DNAJB6: variants seen among roughly 807,000 people sequenced by gnomAD.
DNAJB6 encodes DnaJ heat shock protein family (Hsp40) member B6.
In DNAJB6, 16 loss-of-function variants were observed where a neutral mutation model predicts 42.7. The ratio of observed to expected loss-of-function variants is 0.37; its 90% CI spans 0.25 to 0.57. The LOEUF (loss-of-function observed/expected upper bound fraction) is 0.57. Ranked by LOEUF, DNAJB6 falls within the 20% of genes least tolerant of loss-of-function variation. DNAJB6 has a pLI of 0.74. For synonymous variants in DNAJB6, 170 were observed against 163.5 expected (o/e 1.04, Z -0.30); for missense variants, 347 against 416.8 (o/e 0.83, Z 1.46).
In DNAJB6 at chr7:157,361,320, A is replaced by G. The variant is rs1296280613; in HGVS notation, c.66-1841A>G. The stretch of plus-strand genomic sequence containing the variant: ...ACTGCAGGCGCCTGCCATGATGCCC[A>G]GCTAATTTTTATATTTTTAATAGAG... On this transcript the variant is annotated intron_variant, in intron 2 of 9. Coordinates refer to ENST00000262177, the MANE Select transcript of DNAJB6 (RefSeq NM_058246.4). Among the ~76,000 whole-genome samples the G allele has an allele frequency of 9.2e-5, 14 of 151,940 alleles. No individual in the cohort carries two copies. In the East Asian group the frequency reaches 2.7e-3, roughly 29 times the overall value.
At chr7:157,411,863 C>T (rs1178382963) in intron 9 of DNAJB6, 1 of 152,224 alleles carries the variant, frequency 6.6e-6, no homozygotes, top group African/African-American at 2.4e-5. Flanking sequence ...CTGTTCTCCC[C>T]ACGTATTCTC....
chr7:157,415,868 G>A (rs1320505028), intron 9 of DNAJB6, 148 bp from the exon 10 acceptor site: 6 of 1,441,516 alleles, frequency 4.2e-6, no homozygotes, highest in Admixed American at 1.9e-5. Flanking sequence ...GAAAGCGCCC[G>A]TTTTGAGGTT....
chr7:157,339,592 C>T lies in DNAJB6; in HGVS notation c.-27+2448C>T, dbSNP rs949374129. Among the ~76,000 whole-genome samples, 345 of 149,468 alleles carry T rather than the reference C, an allele frequency of 2.3e-3. 1 individual carries two copies. Among genetic ancestry groups the T allele is most frequent in the African/African-American group, 7.6e-3 (304 of 40,094 alleles). On this transcript the variant is annotated intron_variant, in intron 1 of 9. Transcript: ENST00000262177. ...GGGATTACAGGCATGAGCCACCGCG[C>T]CCGGCCTTTTGTGTGTGTGTGTGTG...
In DNAJB6 at chr7:157,341,308, A is replaced by G. The variant is rs534087672; in HGVS notation, c.-27+4164A>G. On this transcript the variant is annotated intron_variant, in intron 1 of 9. Transcript: ENST00000262177. ...CCCGACTGATTTTTGTATTTTTAGT[A>G]GAGACGGGGGTTTCACCATCTTGGC... 1.6e-4 allele frequency among the ~76,000 whole-genome samples: 24 copies of G among 151,986 alleles called. No homozygotes were observed. The South Asian group carries it at 4.8e-3, about 30-fold the overall frequency.
intron 8 of DNAJB6, among the ~76,000 whole-genome samples, chr7:157,400,605 G>A (rs773725490): frequency 6.6e-6 from 1 of 152,248 alleles, no homozygotes; most frequent in African/African-American, 2.4e-5. Context: ...TTTGTCTTGC[G>A]GTCTCCGCCG....
At chr7:157,373,381 T>TG (rs1304579961) in intron 5 of DNAJB6, among the ~76,000 whole-genome samples, 1 of 152,154 alleles carries the variant, frequency 6.6e-6, no homozygotes, top group African/African-American at 2.4e-5. Context: ...GACAGAGTTT[T>TG]GCTCTGTCAC....
intron 3 of DNAJB6, among the ~76,000 whole-genome samples, chr7:157,364,294 C>T (rs1799744703): frequency 6.6e-6 from 1 of 152,066 alleles, no homozygotes; most frequent in African/African-American, 2.4e-5. Context: ...GCCTTGCTTT[C>T]TCTGGTGACA....
At chr7:157,406,900 G>T (rs368259620) in intron 8 of DNAJB6, among the ~76,000 whole-genome samples, 3 of 152,372 alleles carry the variant, frequency 2.0e-5, no homozygotes, top group African/African-American at 4.8e-5. Flanking sequence ...TGAAGGCAGC[G>T]CGTTTCTCTT....
chr7:157,367,532 A>C (rs760014403), intron 5 of DNAJB6, 49 bp downstream of exon 5: 1 of 1,116,740 alleles, frequency 9.0e-7, no homozygotes. Context: ...GACCCAAATG[A>C]GGGCTTACTT....
chr7:157,378,287 G>A (rs906816222), intron 5 of DNAJB6: 1 of 152,176 alleles, frequency 6.6e-6, no homozygotes, highest in African/African-American at 2.4e-5. Flanking sequence ...TGATTAACAC[G>A]TGTCTTAAGA....
At chr7:157,410,421 C>CT (rs1397066315) in intron 9 of DNAJB6, 2 of 331,892 alleles carry the variant, frequency 6.0e-6, no homozygotes, top group Non-Finnish European at 1.1e-5. Flanking sequence ...CTTCTCGTGC[C>CT]TTCTTCTGCG....
At chr7:157,411,286 G>GC (rs1333636352) in intron 9 of DNAJB6, 8 of 3,464 alleles carry the variant, frequency 2.3e-3, no homozygotes, top group South Asian at 0.014. Flanking sequence ...CGTGGGGAAG[G>GC]TTCCCAGGAT....
chr7:157,366,083 T>TG (rs1289248152), intron 3 of DNAJB6, among the ~76,000 whole-genome samples: 1 of 152,142 alleles, frequency 6.6e-6, no homozygotes, highest in Admixed American at 6.6e-5. Flanking sequence ...CCTGAGTAGC[T>TG]GGGATTACAA....
intron 8 of DNAJB6, among the ~76,000 whole-genome samples, chr7:157,394,999 G>A (rs776836528): frequency 1.3e-5 from 2 of 152,172 alleles, no homozygotes; most frequent in Non-Finnish European, 2.9e-5. Context: ...GCTAAGGTGC[G>A]AGGATTGCTT....
At chr7:157,393,328 ACT>A (rs1230071302) in intron 8 of DNAJB6, among the ~76,000 whole-genome samples, 7 of 152,108 alleles carry the variant, frequency 4.6e-5, no homozygotes, top group East Asian at 3.9e-4. Flanking sequence ...CAATTGGAAA[ACT>A]CTATAAATTT....
At chr7:157,402,510 G>A (rs1336780674) in intron 8 of DNAJB6, among the ~76,000 whole-genome samples, 4 of 152,226 alleles carry the variant, frequency 2.6e-5, no homozygotes, top group African/African-American at 9.6e-5. Context: ...TGAGTCTGGC[G>A]CCGTCATGCT....
At chr7:157,395,229 G>C (rs550047157) in intron 8 of DNAJB6, among the ~76,000 whole-genome samples, 20 of 144,892 alleles carry the variant, frequency 1.4e-4, no homozygotes, top group Non-Finnish European at 2.3e-4. Flanking sequence ...GGAGGGGGCT[G>C]GGGGGGGGTT....
rs387907150 is a variant in DNAJB6, at chr7:157,367,402, T to A, written c.265T>A (p.Phe89Ile). The A allele has an allele frequency of 6.2e-7, 1 of 1,613,212 alleles. No individual in the cohort carries two copies. Among genetic ancestry groups the A allele is most frequent in the Non-Finnish European group, 8.5e-7 (1 of 1,179,222 alleles). ...AAGTCATTTTGACAGTCCATTTGAATTTGGCTTCACATTCCGTAACCCAGA... is the reference window on the plus strand; with the variant it reads ...AAGTCATTTTGACAGTCCATTTGAAATTGGCTTCACATTCCGTAACCCAGA... ...GGSHFDSPFE[F>I]GFTFRNPDDV... is the part of the protein sequence containing the mutation. Residue 89 changes from phenylalanine (F) to isoleucine (I), a missense_variant, in exon 5 of 10, where the codon TTT becomes ATT. Physicochemically the swap from Phe to Ile is conservative, Grantham distance 21 (BLOSUM62 0). Around this residue, in one of 3 missense-constraint regions of DNAJB6, gnomAD observed 5 missense variants for 26.7 expected, o/e 0.19. Transcript: ENST00000262177.
At chr7:157,361,600 A>T (rs1426416587) in intron 2 of DNAJB6, among the ~76,000 whole-genome samples, 2 of 152,238 alleles carry the variant, frequency 1.3e-5, no homozygotes, top group Admixed American at 6.5e-5. Flanking sequence ...CTTTACAGTA[A>T]TAACTTGCCT....
Sources: allele counts gnomAD v4.1 joint callset (sites outside exome capture counted in the v4.1 genomes callset), GRCh38; gene constraint gnomAD v4.1.1; regional missense constraint gnomAD v4.1.1; transcripts MANE v1.5; gene names NCBI Gene and HGNC (gene_info 2026-07-23, HGNC 2026-07-21).